Variants in RAB33B observed in about 807,000 individuals in gnomAD.
RAB33B encodes RAB33B, member RAS oncogene family.
In RAB33B, 6 loss-of-function variants were observed where a neutral mutation model predicts 15.0. The ratio of observed to expected loss-of-function variants is 0.40; its 90% confidence interval spans 0.22 to 0.79. RAB33B has a LOEUF of 0.79. RAB33B is among the 30% of genes least tolerant of loss of function. RAB33B has a pLI of 0.37. For missense variants in RAB33B, 257 were observed against 296.4 expected, an observed-to-expected ratio of 0.87 and a Z score of 0.98; for synonymous variants, 117 against 108.3, an observed-to-expected ratio of 1.08 and a Z score of -0.50.
intron 1 of RAB33B, among the ~76,000 whole-genome samples, chr4:139,458,108 C>A (rs1156381616): frequency 6.6e-6 from 1 of 152,148 alleles, no homozygotes; most frequent in Admixed American, 6.5e-5. Context: ...AACTCAAGTG[C>A]CCTTTATATT....
rs1326881213 is a variant in RAB33B, at chr4:139,474,532, C to T, written c.*1406C>T. 6.6e-6 allele frequency: 1 copy of T among 152,528 alleles called. No individual in the cohort carries two copies. The highest frequency in any genetic ancestry group is 6.5e-5 in the Admixed American group (1 of 15,276). The allele number at this position is 152,528 out of a possible 1,614,324, so 9.4% of individuals were successfully genotyped here. On this transcript the variant is annotated 3_prime_UTR_variant, in exon 2 of 2. Coordinates refer to ENST00000305626, the MANE Select transcript of RAB33B (RefSeq NM_031296.3). ...TTGGATTGTAGGTGTGAAGGCACAA[C>T]TCTAATTGCTATTAGTCTACATGTA...
chr4:139,451,418 A>C (rs561696146), upstream of RAB33B: 3 of 124,972 alleles, frequency 2.4e-5, no homozygotes, highest in Non-Finnish European at 4.7e-5. Context: ...TCTGTTGCCC[A>C]GGTTGGAGTG....
At chr4:139,451,477 C>G (rs1036390385), upstream of RAB33B, 2 of 149,882 alleles carry the variant, frequency 1.3e-5, no homozygotes, top group African/African-American at 4.9e-5. Context: ...CTGGTTCAAG[C>G]GATTCTCCCA....
intron 1 of RAB33B, among the ~76,000 whole-genome samples, chr4:139,455,166 G>A (rs1306403529): frequency 6.6e-6 from 1 of 152,188 alleles, no homozygotes; most frequent in African/African-American, 2.4e-5. Flanking sequence ...AGTGGAGAAG[G>A]TAGTATAGGC....
At chr4:139,454,085 G>A, upstream of RAB33B, 3 of 1,313,830 alleles carry the variant, frequency 2.3e-6, no homozygotes, top group South Asian at 3.0e-5. Flanking sequence ...GTGGCTCCTG[G>A]GAAGTTGCGC....
chr4:139,456,064 A>G (rs1035003284), intron 1 of RAB33B, among the ~76,000 whole-genome samples: 1 of 152,238 alleles, frequency 6.6e-6, no homozygotes, highest in Non-Finnish European at 1.5e-5. Context: ...AACTGGGATC[A>G]TGATACCTTA....
upstream of RAB33B, chr4:139,452,514 T>C (rs972238952): frequency 1.3e-5 from 2 of 152,226 alleles, no homozygotes; most frequent in Admixed American, 1.3e-4. Flanking sequence ...ATGGGATAGG[T>C]AGAGCAGATT....
chr4:139,473,224 C>G lies in RAB33B; in HGVS notation c.*98C>G. The stretch of plus-strand genomic sequence containing the variant: ...AGATTTAATCTCAACTATAATGGGT[C>G]ATCTTGACACTTTGCTGTTTGTCAT... On this transcript the variant is annotated 3_prime_UTR_variant, in exon 2 of 2. Coordinates refer to ENST00000305626, the MANE Select transcript of RAB33B (RefSeq NM_031296.3). The G allele has an allele frequency of 9.7e-7, 1 of 1,029,192 alleles. No homozygotes were observed. The highest frequency in any genetic ancestry group is 2.9e-5 in the Admixed American group (1 of 34,270). 63.8% of individuals were successfully genotyped at this position (1,029,192 alleles called of 1,614,324 possible). A position where few individuals can be genotyped will look rare whatever the true frequency, so the allele number is the denominator to read the frequency against.
chr4:139,457,462 C>T (rs560164659), intron 1 of RAB33B, among the ~76,000 whole-genome samples: 2 of 152,294 alleles, frequency 1.3e-5, no homozygotes, highest in East Asian at 3.9e-4. Context: ...TTTAATCCGG[C>T]CTCCCATTAG....
At chr4:139,445,916 C>A in the RAB33B span, among the ~76,000 whole-genome samples, 1 of 152,156 alleles carries the variant, frequency 6.6e-6, no homozygotes. Flanking sequence ...AACTATTCTC[C>A]TTCTGAGAGA....
upstream of RAB33B, chr4:139,451,139 T>A (rs1169901111): frequency 6.6e-6 from 1 of 151,830 alleles, no homozygotes; most frequent in Admixed American, 6.6e-5. Flanking sequence ...GACCTCATGA[T>A]CCACCCTCCT....
Position 139,472,968 on chromosome 4 carries a change from T to C in RAB33B, c.532T>C (p.Ser178Pro). The C allele has an allele frequency of 6.2e-7, 1 of 1,614,180 alleles. No homozygotes were observed. Among genetic ancestry groups the C allele is most frequent in the Non-Finnish European group, 8.5e-7 (1 of 1,180,024 alleles). The change falls in exon 2 of 2, where the codon TCT (serine) becomes CCT (proline). Residue 178 changes from serine (S) to proline (P), a missense_variant. Ser to Pro is a moderately conservative substitution (Grantham distance 74, BLOSUM62 -1). Coordinates refer to ENST00000305626, the MANE Select transcript of RAB33B (RefSeq NM_031296.3). ...ACACAGTATGCCTTTGTTTGAAACG[T>C]CTGCTAAAAACCCCAATGATAATGA... Reference protein sequence around the residue: ...DTHSMPLFETSAKNPNDNDHV... With the variant: ...DTHSMPLFETPAKNPNDNDHV...
Position 139,475,151 on chromosome 4 carries a change from C to T in RAB33B, c.*2025C>T, listed in dbSNP as rs77727514. Reference sequence around the variant, plus strand: ...AATTTAAAAATTGTTTTACTTGTATCGAAATTAACCTTGATTTATAACTAT... The same window carrying T: ...AATTTAAAAATTGTTTTACTTGTATTGAAATTAACCTTGATTTATAACTAT... On this transcript the variant is annotated 3_prime_UTR_variant, in exon 2 of 2. Coordinates refer to ENST00000305626, the MANE Select transcript of RAB33B (RefSeq NM_031296.3). 1.3e-5 allele frequency: 2 copies of T among 151,926 alleles called. No individual in the cohort carries two copies. The highest frequency in any genetic ancestry group is 1.9e-4 in the East Asian group (1 of 5,170). The allele number at this position is 151,926 out of a possible 1,614,324, so 9.4% of individuals were successfully genotyped here.
At position 139,476,018 on chromosome 4, in the gene RAB33B, T is replaced by G. The variant is rs1255014432; in HGVS notation, c.*2892T>G. Reference sequence around the variant, plus strand: ...ATAATATTATATATATGATACACTTTTGAAAACAACAAAAAGCCCCCAACC... The same window carrying G: ...ATAATATTATATATATGATACACTTGTGAAAACAACAAAAAGCCCCCAACC... On this transcript the variant is annotated 3_prime_UTR_variant, in exon 2 of 2. Transcript: ENST00000305626. 1 of 152,202 alleles carries G rather than the reference T, an allele frequency of 6.6e-6. No individual in the cohort carries two copies. Among genetic ancestry groups the G allele is most frequent in the Non-Finnish European group, 1.5e-5 (1 of 68,038 alleles). The allele number at this position is 152,202 out of a possible 1,614,324, so 9.4% of individuals were successfully genotyped here.
chr4:139,474,101 C>G lies in RAB33B; in HGVS notation c.*975C>G, dbSNP rs1450837599. 2 of 152,074 alleles carry G rather than the reference C, an allele frequency of 1.3e-5. No homozygotes were observed. Among genetic ancestry groups the G allele is most frequent in the East Asian group, 3.9e-4 (2 of 5,164 alleles). 9.4% of individuals were successfully genotyped at this position (152,074 alleles called of 1,614,324 possible). The stretch of plus-strand genomic sequence containing the variant: ...TGTATTTTTAGTATAGATGGGGTTT[C>G]ACCATGTTGGCCAGGATGGTCTCGA... On this transcript the variant is annotated 3_prime_UTR_variant, in exon 2 of 2. Transcript: ENST00000305626.
intron 1 of RAB33B, among the ~76,000 whole-genome samples, chr4:139,465,052 T>C (rs1750255929): frequency 2.0e-5 from 3 of 152,218 alleles, no homozygotes; most frequent in African/African-American, 7.2e-5. Flanking sequence ...CAGCACCTGT[T>C]GTTTCCTGAC....
upstream of RAB33B, chr4:139,454,015 C>A: frequency 1.6e-6 from 1 of 641,402 alleles, no homozygotes; most frequent in Non-Finnish European, 2.4e-6. Flanking sequence ...GCGGGTGCCA[C>A]ACCTGTGCGG....
chr4:139,463,449 G>A (rs139193166), intron 1 of RAB33B, among the ~76,000 whole-genome samples: 255 of 152,222 alleles, frequency 1.7e-3, no homozygotes, highest in African/African-American at 5.1e-3. Context: ...TATATATTAT[G>A]TTATCTTTAT....
At chr4:139,465,517 T>C (rs1750266760) in intron 1 of RAB33B, among the ~76,000 whole-genome samples, 1 of 152,146 alleles carries the variant, frequency 6.6e-6, no homozygotes, top group East Asian at 1.9e-4. Context: ...GTTTTTATGG[T>C]TTTAGGTCTA....
Sources: allele counts gnomAD v4.1 joint callset (sites outside exome capture counted in the v4.1 genomes callset), GRCh38; gene constraint gnomAD v4.1.1; transcripts MANE v1.5; gene names NCBI Gene and HGNC (gene_info 2026-07-23, HGNC 2026-07-21).